The following NFIC variants were observed in gnomAD, a reference collection of about 807,000 sequenced individuals.
NFIC encodes the protein nuclear factor I C.
In NFIC, 12 loss-of-function variants were observed where a neutral mutation model predicts 54.4. The observed-to-expected ratio is 0.22, with a 90% CI of 0.14 to 0.36. The LOEUF (loss-of-function observed/expected upper bound fraction) is 0.36. Among genes scored for constraint, NFIC ranks in the 10% least tolerant of loss-of-function variants. The pLI is 1.00. For missense variants in NFIC, 575 were observed against 718.2 expected (o/e 0.80, Z 2.28); for synonymous variants, 322 against 319.2 (o/e 1.01, Z -0.09).
At chr19:3,406,213 C>T (rs760697053) in intron 2 of NFIC, among the ~76,000 whole-genome samples, 1 of 152,192 alleles carries the variant, frequency 6.6e-6, no homozygotes, top group Non-Finnish European at 1.5e-5. Context: ...CTGCCTCAGC[C>T]TTCCAAGTAG....
chr19:3,361,904 A>G (rs561247018), upstream of NFIC, among the ~76,000 whole-genome samples: 85 of 152,302 alleles, frequency 5.6e-4, no homozygotes, highest in African/African-American at 2.0e-3. Context: ...GACTCTGCAC[A>G]CACAACCACA....
At chr19:3,377,722 C>T (rs1422039238) in intron 1 of NFIC, among the ~76,000 whole-genome samples, 1 of 152,030 alleles carries the variant, frequency 6.6e-6, no homozygotes, top group Non-Finnish European at 1.5e-5. Context: ...AGTGATCCTC[C>T]CACCTCAGCC....
intron 2 of NFIC, among the ~76,000 whole-genome samples, chr19:3,406,592 G>A (rs971282923): frequency 1.8e-4 from 27 of 152,138 alleles, no homozygotes; most frequent in African/African-American, 6.5e-4. Context: ...CACAGTAGGC[G>A]CTCAAGACGT....
chr19:3,404,278 C>G (rs980297443), intron 2 of NFIC, among the ~76,000 whole-genome samples: 4 of 152,090 alleles, frequency 2.6e-5, no homozygotes, highest in Non-Finnish European at 5.9e-5. Context: ...TCCACTCCCC[C>G]CCACCCCGGG....
At chr19:3,406,839 G>A (rs1216791072) in intron 2 of NFIC, among the ~76,000 whole-genome samples, 1 of 152,186 alleles carries the variant, frequency 6.6e-6, no homozygotes, top group Non-Finnish European at 1.5e-5. Context: ...CATTTGAACA[G>A]AAGCCTGAAT....
rs548786676 is a variant in NFIC at position 3,452,802 on chromosome 19, G to C, written c.1269+136G>C. The C allele has an allele frequency of 9.2e-7, 1 of 1,088,362 alleles. No homozygotes were observed. The highest frequency in any genetic ancestry group is 1.6e-5 in the African/African-American group (1 of 62,332). The allele number at this position is 1,088,362 out of a possible 1,614,324, so 67.4% of individuals were successfully genotyped here. On this transcript the variant is annotated intron_variant, in intron 8 of 10. Coordinates refer to ENST00000443272, the MANE Select transcript of NFIC (RefSeq NM_001245002.2). The surrounding 1 kb of genome is among the most constrained non-coding windows in gnomAD (Gnocchi z 5.3). ...TGGCTCTGAAGTCCCCTCCTCTGTCGTGCTGGGAGGCAGCTGGATTGGGTC... is the reference window on the plus strand; with the variant it reads ...TGGCTCTGAAGTCCCCTCCTCTGTCCTGCTGGGAGGCAGCTGGATTGGGTC...
intron 2 of NFIC, among the ~76,000 whole-genome samples, chr19:3,394,345 T>A (rs2081423422): frequency 6.6e-6 from 1 of 151,866 alleles, no homozygotes; most frequent in African/African-American, 2.4e-5. Context: ...CCAGGCGTGG[T>A]GGCGTGAACC....
At chr19:3,395,508 T>G (rs1264497361) in intron 2 of NFIC, among the ~76,000 whole-genome samples, 1 of 150,328 alleles carries the variant, frequency 6.7e-6, no homozygotes, top group Non-Finnish European at 1.5e-5. Flanking sequence ...TTTTTTTTTT[T>G]TTAGTAGAGA....
chr19:3,388,657 C>CA (rs2081334326), intron 2 of NFIC, among the ~76,000 whole-genome samples: 1 of 150,944 alleles, frequency 6.6e-6, no homozygotes, highest in Non-Finnish European at 1.5e-5. Context: ...ACCATGCCCC[C>CA]CCCCAACAAA....
Position 3,464,777 on chromosome 19 carries a change from T to G in NFIC, c.*2008T>G. On this transcript the variant is annotated 3_prime_UTR_variant, in exon 11 of 11. Transcript: ENST00000443272. ...CCCCCAAGAGAGGTTCGCCATCCTC[T>G]GGCCTCGAGCCCTTGGTCCCTCCGT... The G allele has an allele frequency of 1.1e-6, 1 of 921,792 alleles. No individual in the cohort carries two copies. Among genetic ancestry groups the G allele is most frequent in the African/African-American group, 1.8e-5 (1 of 56,034 alleles). 57.1% of individuals were successfully genotyped at this position (921,792 alleles called of 1,614,324 possible).
upstream of NFIC, among the ~76,000 whole-genome samples, chr19:3,366,154 C>A (rs528607326): frequency 1.3e-5 from 2 of 151,668 alleles, no homozygotes; most frequent in Non-Finnish European, 2.9e-5. Flanking sequence ...ACAACCCTGT[C>A]CCCCCTCTCC....
intron 6 of NFIC, among the ~76,000 whole-genome samples, chr19:3,441,371 G>A (rs945367056): frequency 4.6e-5 from 7 of 152,208 alleles, no homozygotes; most frequent in South Asian, 2.1e-4. Flanking sequence ...TTCCCCTCCC[G>A]GCAACACTCT....
intron 10 of NFIC, among the ~76,000 whole-genome samples, chr19:3,460,757 A>G (rs1405513227): frequency 2.6e-5 from 4 of 151,682 alleles, no homozygotes; most frequent in Non-Finnish European, 5.9e-5. Flanking sequence ...CAGGTGATCC[A>G]CCCACCTTGG....
At position 3,433,392 on chromosome 19, in the gene NFIC, A is replaced by C. The variant is rs2082151489; in HGVS notation, c.635-126A>C. 4.3e-6 allele frequency: 4 copies of C among 935,614 alleles called. No individual in the cohort carries two copies. The South Asian group carries it at 5.7e-5, about 13-fold the overall frequency. 58.0% of individuals were successfully genotyped at this position (935,614 alleles called of 1,614,324 possible). On this transcript the variant is annotated intron_variant, in intron 3 of 10. Transcript: ENST00000443272. The stretch of plus-strand genomic sequence containing the variant: ...CAGACTGGAGCTGTCATTCCCCCAC[A>C]GCACAGGATGGACAGGGGGAACGTC...
chr19:3,377,847 C>G (rs2081135018), intron 1 of NFIC, among the ~76,000 whole-genome samples: 1 of 152,060 alleles, frequency 6.6e-6, no homozygotes, highest in South Asian at 2.1e-4. Context: ...CTCTCAAACA[C>G]TTGGGCTCAA....
At chr19:3,448,928 A>T in intron 6 of NFIC, 86 bp from the exon 7 acceptor site, 7 of 1,513,074 alleles carry the variant, frequency 4.6e-6, no homozygotes, top group Non-Finnish European at 6.2e-6. Flanking sequence ...GAGGCTTCCT[A>T]TCCCTTCGGA....
intron 3 of NFIC, among the ~76,000 whole-genome samples, chr19:3,426,383 T>C (rs1207701690): frequency 1.3e-5 from 2 of 152,116 alleles, no homozygotes; most frequent in African/African-American, 2.4e-5. Flanking sequence ...CCAGCCCTCA[T>C]GGGGCGTCTA....
intron 2 of NFIC, among the ~76,000 whole-genome samples, chr19:3,388,857 A>G (rs966045855): frequency 4.0e-5 from 6 of 149,232 alleles, no homozygotes; most frequent in African/African-American, 1.5e-4. Flanking sequence ...GGGGTGATTG[A>G]GGCCAGGTGT....
At chr19:3,456,882 GTC>G in intron 10 of NFIC, 2 of 558,784 alleles carry the variant, frequency 3.6e-6, no homozygotes, top group Non-Finnish European at 3.2e-6. Context: ...CCCCAGGAGC[GTC>G]TCTGGAGACC....
Sources: allele counts gnomAD v4.1 joint callset (sites outside exome capture counted in the v4.1 genomes callset), GRCh38; gene constraint gnomAD v4.1.1; non-coding constraint Gnocchi (gnomAD v3.1); transcripts MANE v1.5; gene names NCBI Gene and HGNC (gene_info 2026-07-23, HGNC 2026-07-21).